Variants in FXR1 observed in about 807,000 individuals in gnomAD.
FXR1 encodes FMR1 autosomal homolog 1.
FXR1 carries 15 observed loss-of-function variants against 84.0 expected under a neutral mutation model. The ratio of observed to expected loss-of-function variants is 0.18; its 90% confidence interval spans 0.12 to 0.27. The LOEUF is 0.27. Ranked by LOEUF, FXR1 falls within the 10% of genes least tolerant of loss-of-function variation. The pLI is 1.00. For missense variants in FXR1, 480 were observed against 774.4 expected (o/e 0.62, Z 4.51); for synonymous variants, 245 against 250.7 (o/e 0.98, Z 0.21).
intron 1 of FXR1, among the ~76,000 whole-genome samples, chr3:180,924,000 C>T (rs1214716678): frequency 1.3e-5 from 2 of 152,032 alleles, no homozygotes; most frequent in Admixed American, 1.3e-4. Flanking sequence ...GCTCTGTCGC[C>T]CAGGCTGGAG....
chr3:180,916,437 G>GGGTGGGAGCACAGT (rs1280336941), intron 1 of FXR1, among the ~76,000 whole-genome samples: 1 of 151,976 alleles, frequency 6.6e-6, no homozygotes, highest in Non-Finnish European at 1.5e-5. Flanking sequence ...TCTTTTGCCC[G>GGGTGGGAGCACAGT]GGTGGGAGCA....
chr3:180,948,376 C>T lies in FXR1; in HGVS notation c.300C>T (p.Asp100=), dbSNP rs746074888. 26 of 1,605,728 alleles carry T rather than the reference C, an allele frequency of 1.6e-5. 1 individual carries two copies. Among genetic ancestry groups the T allele is most frequent in the South Asian group, 7.7e-5 (7 of 90,642 alleles). ...ATGTCATTGAATATGCTGCTTGTGA[C>T]GCTACTTACAATGAAATAGTCACAT... ...EFYVIEYAAC[D]ATYNEIVTFE... is the part of the protein sequence containing the mutation. Residue 100 remains aspartate (D), a synonymous_variant, in exon 5 of 17, where the codon GAC becomes GAT. Transcript: ENST00000357559.
chr3:180,917,463 T>C lies in FXR1; in HGVS notation c.51+4727T>C, dbSNP rs1718033399. Reference sequence around the variant, plus strand: ...TTTAAAAATACATAGTTCCAGATAATTTAAAATGGTTGTTTTGCATATTTA... The same window carrying C: ...TTTAAAAATACATAGTTCCAGATAACTTAAAATGGTTGTTTTGCATATTTA... On this transcript the variant is annotated intron_variant, in intron 1 of 16. Coordinates refer to ENST00000357559, the MANE Select transcript of FXR1 (RefSeq NM_005087.4). Among the ~76,000 whole-genome samples the C allele has an allele frequency of 2.0e-5, 3 of 152,186 alleles. No homozygotes were observed. In the South Asian group the frequency reaches 6.2e-4, roughly 32 times the overall value.
At chr3:180,936,056 T>C (rs550148568) in intron 3 of FXR1, among the ~76,000 whole-genome samples, 1 of 152,158 alleles carries the variant, frequency 6.6e-6, no homozygotes, top group South Asian at 2.1e-4. Context: ...CACGCCTGGC[T>C]AATTTTTGTA....
chr3:180,951,793 G>A (rs1408750179), intron 8 of FXR1, among the ~76,000 whole-genome samples: 2 of 152,208 alleles, frequency 1.3e-5, no homozygotes, highest in Non-Finnish European at 2.9e-5. Context: ...GCCAGGCACT[G>A]GCAGGAGTAA....
intron 1 of FXR1, among the ~76,000 whole-genome samples, chr3:180,921,733 A>G (rs1309630957): frequency 6.6e-6 from 1 of 152,144 alleles, no homozygotes; most frequent in Non-Finnish European, 1.5e-5. Context: ...TTGGCTGACA[A>G]TAAGATATAT....
At chr3:180,932,159 A>G (rs552821182) in intron 1 of FXR1, among the ~76,000 whole-genome samples, 1 of 148,410 alleles carries the variant, frequency 6.7e-6, no homozygotes, top group African/African-American at 2.5e-5. Context: ...TATTCCTTCA[A>G]ATCTCTTTAC....
At chr3:180,962,467 G>A (rs1019726403) in intron 11 of FXR1, among the ~76,000 whole-genome samples, 2 of 152,206 alleles carry the variant, frequency 1.3e-5, no homozygotes, top group Admixed American at 1.3e-4. Flanking sequence ...TCGTGTCACT[G>A]CTTTGATAGG....
At position 180,932,035 on chromosome 3, in the gene FXR1, A is replaced by G. The variant is rs1348113752; in HGVS notation, c.52-1299A>G. Among the ~76,000 whole-genome samples, 5 of 117,846 alleles carry G rather than the reference A, an allele frequency of 4.2e-5. No individual in the cohort carries two copies. The Admixed American group carries it at 4.3e-4, about 10-fold the overall frequency. The allele number at this position is 117,846 out of a possible 152,430, so 77.3% of individuals were successfully genotyped here. The stretch of plus-strand genomic sequence containing the variant: ...GGTGCCTGGGCTTGCTTTGTTTTTT[A>G]TTACTTAAGTTACCCTTCTTCCATT... On this transcript the variant is annotated intron_variant, in intron 1 of 16. Coordinates refer to ENST00000357559, the MANE Select transcript of FXR1 (RefSeq NM_005087.4).
intron 1 of FXR1, among the ~76,000 whole-genome samples, chr3:180,928,852 T>G (rs1201141340): frequency 6.6e-6 from 1 of 152,210 alleles, no homozygotes; most frequent in Non-Finnish European, 1.5e-5. Flanking sequence ...CGGATAGTGC[T>G]TTTTCACTGC....
intron 9 of FXR1, among the ~76,000 whole-genome samples, chr3:180,957,005 C>A (rs1040961476): frequency 1.3e-5 from 2 of 152,128 alleles, no homozygotes; most frequent in East Asian, 3.8e-4. Context: ...AGGGATACAT[C>A]GGTTCCATAT....
intron 3 of FXR1, among the ~76,000 whole-genome samples, chr3:180,939,293 T>G (rs917565307): frequency 2.6e-5 from 4 of 152,200 alleles, no homozygotes; most frequent in African/African-American, 9.7e-5. Flanking sequence ...TTTAGGTTGC[T>G]TCATATCTGA....
At chr3:180,955,193 C>G (rs1010470403) in intron 9 of FXR1, among the ~76,000 whole-genome samples, 1 of 151,928 alleles carries the variant, frequency 6.6e-6, no homozygotes, top group Non-Finnish European at 1.5e-5. Context: ...TGTGGTTTCA[C>G]CATATTGGCC....
chr3:180,973,352 G>A (rs1713823733), intron 15 of FXR1, among the ~76,000 whole-genome samples: 2 of 152,176 alleles, frequency 1.3e-5, no homozygotes, highest in African/African-American at 4.8e-5. Flanking sequence ...TCAACAATGT[G>A]TTAGGTTGGT....
chr3:180,955,262 G>A (rs1031583580), intron 9 of FXR1, among the ~76,000 whole-genome samples: 2 of 152,036 alleles, frequency 1.3e-5, no homozygotes, highest in Admixed American at 6.6e-5. Context: ...GCCTCCCAAA[G>A]TGCTGGGATT....
intron 1 of FXR1, among the ~76,000 whole-genome samples, chr3:180,929,412 T>C (rs577124391): frequency 1.1e-4 from 17 of 152,356 alleles, no homozygotes; most frequent in Non-Finnish European, 2.1e-4. Context: ...TAAACATTAT[T>C]GGACTGTGCG....
intron 1 of FXR1, among the ~76,000 whole-genome samples, chr3:180,927,008 A>G (rs1044864950): frequency 2.6e-5 from 4 of 152,050 alleles, no homozygotes; most frequent in Non-Finnish European, 5.9e-5. Context: ...AGTATTTCAA[A>G]CATTAAAATT....
At chr3:180,958,270 G>A (rs1401485997) in intron 10 of FXR1, among the ~76,000 whole-genome samples, 1 of 152,042 alleles carries the variant, frequency 6.6e-6, no homozygotes, top group Non-Finnish European at 1.5e-5. Flanking sequence ...TGGGGTATAG[G>A]TGGTTTTTGG....
In FXR1 at chr3:180,968,089, T is replaced by C; in HGVS notation, c.1237T>C (p.Ser413Pro). The C allele has an allele frequency of 6.2e-7, 1 of 1,613,724 alleles. No homozygotes were observed. The highest frequency in any genetic ancestry group is 8.5e-7 in the Non-Finnish European group (1 of 1,179,660). Reference sequence around the variant, plus strand: ...GCTGTCTAACCCCTCTGAAACGGAATCTGAGCGTAAAGACGAGCTGAGTGA... The same window carrying C: ...GCTGTCTAACCCCTCTGAAACGGAACCTGAGCGTAAAGACGAGCTGAGTGA... Reference protein sequence around the residue: ...SELSNPSETESERKDELSDWS... With the variant: ...SELSNPSETEPERKDELSDWS... Residue 413 changes from serine to proline, a missense_variant, in exon 14 of 17, where the codon TCT becomes CCT. By Grantham distance (74) the Ser-to-Pro change is moderately conservative. Coordinates refer to ENST00000357559, the MANE Select transcript of FXR1 (RefSeq NM_005087.4).
Sources: gnomAD v4.1 joint callset for allele counts (sites outside exome capture counted in the v4.1 genomes callset) on GRCh38, gnomAD v4.1.1 for gene constraint, MANE v1.5 for transcripts, NCBI Gene and HGNC (gene_info 2026-07-23, HGNC 2026-07-21) for gene names.